The following CHRM3 variants were observed in gnomAD, a reference collection of about 807,000 sequenced individuals.
CHRM3 encodes muscarinic acetylcholine receptor M3.
In CHRM3, 11 loss-of-function variants were observed where a neutral mutation model predicts 41.8. The observed-to-expected ratio is 0.26, with a 90% CI of 0.17 to 0.44. The LOEUF is 0.44. CHRM3 is among the 20% of genes least tolerant of loss of function. CHRM3 has a pLI of 1.00. For missense variants in CHRM3, 571 were observed against 745.4 expected, an observed-to-expected ratio of 0.77 and a Z score of 2.72; for synonymous variants, 297 against 301.4, an observed-to-expected ratio of 0.99 and a Z score of 0.15.
In CHRM3 at chr1:239,894,677, C is replaced by T. The variant is rs555274693; in HGVS notation, c.-19-12756C>T. 5.5e-3 allele frequency among the ~76,000 whole-genome samples: 840 copies of T among 152,148 alleles called. 5 individuals carry two copies. Among genetic ancestry groups the T allele is most frequent in the Middle Eastern group, 0.01 (3 of 294 alleles). On this transcript the variant is annotated intron_variant, in intron 6 of 6. Coordinates refer to ENST00000676153, the MANE Select transcript of CHRM3 (RefSeq NM_001375978.1). ...CGAACTCATGCGCTCAAGTGATCAG[C>T]CCACCCTGACCTCCCAAAGTGGTGG...
At chr1:239,856,890 G>T (rs1236010036) in intron 6 of CHRM3, among the ~76,000 whole-genome samples, 1 of 152,124 alleles carries the variant, frequency 6.6e-6, no homozygotes, top group African/African-American at 2.4e-5. Context: ...GTGGGATTTT[G>T]CAAAGAAGGT....
intron 5 of CHRM3, among the ~76,000 whole-genome samples, chr1:239,731,731 T>C (rs563950975): frequency 2.9e-4 from 44 of 152,066 alleles, no homozygotes; most frequent in African/African-American, 9.6e-4. Context: ...AATTTTGGTT[T>C]AGATTGAAAT....
intron 1 of CHRM3, among the ~76,000 whole-genome samples, chr1:239,463,381 G>C (rs1214630588): frequency 1.3e-5 from 2 of 152,068 alleles, no homozygotes; most frequent in Admixed American, 6.5e-5. Context: ...ATCCCTCCTT[G>C]CTCATTCTTT....
chr1:239,466,895 C>T (rs1028786398), intron 1 of CHRM3, among the ~76,000 whole-genome samples: 5 of 152,158 alleles, frequency 3.3e-5, no homozygotes, highest in Admixed American at 6.5e-5. Context: ...AGTCAATCTT[C>T]CATAGTCATC....
At chr1:239,392,214 T>G (rs555657644) in intron 1 of CHRM3, among the ~76,000 whole-genome samples, 102 of 152,262 alleles carry the variant, frequency 6.7e-4, no homozygotes, top group African/African-American at 2.4e-3. Flanking sequence ...GCACAGCTCC[T>G]CTCCTGACAG....
chr1:239,808,604 T>C (rs1271929552), intron 5 of CHRM3, among the ~76,000 whole-genome samples: 1 of 152,192 alleles, frequency 6.6e-6, no homozygotes, highest in Non-Finnish European at 1.5e-5. Flanking sequence ...GCCATATCGA[T>C]TGGACCAATT....
intron 5 of CHRM3, among the ~76,000 whole-genome samples, chr1:239,747,036 A>G (rs1200664338): frequency 6.6e-6 from 1 of 152,166 alleles, no homozygotes; most frequent in Non-Finnish European, 1.5e-5. Context: ...AATTACCAGC[A>G]TGAGCCACCA....
At chr1:239,796,076 G>A (rs1212656024) in intron 5 of CHRM3, among the ~76,000 whole-genome samples, 1 of 152,156 alleles carries the variant, frequency 6.6e-6, no homozygotes, top group African/African-American at 2.4e-5. Flanking sequence ...AACTCCTGTT[G>A]CTATTATAGT....
chr1:239,614,192 T>C (rs1425256212), intron 3 of CHRM3, among the ~76,000 whole-genome samples: 1 of 151,946 alleles, frequency 6.6e-6, no homozygotes, highest in Non-Finnish European at 1.5e-5. Flanking sequence ...TAATAACAAA[T>C]TTTAGAAGGA....
At chr1:239,854,669 C>CT (rs1200932169) in intron 6 of CHRM3, among the ~76,000 whole-genome samples, 3 of 152,064 alleles carry the variant, frequency 2.0e-5, no homozygotes, top group Admixed American at 2.0e-4. Flanking sequence ...CATGGGCTGT[C>CT]TGTCACTATT....
At chr1:239,857,740 G>A (rs1324078204) in intron 6 of CHRM3, among the ~76,000 whole-genome samples, 1 of 152,258 alleles carries the variant, frequency 6.6e-6, no homozygotes, top group East Asian at 1.9e-4. Flanking sequence ...TGGAAGGGAG[G>A]TGGATAATCA....
At chr1:239,523,353 C>A (rs1202565245) in intron 2 of CHRM3, among the ~76,000 whole-genome samples, 1 of 151,980 alleles carries the variant, frequency 6.6e-6, no homozygotes, top group Non-Finnish European at 1.5e-5. Context: ...AATTAAGTAA[C>A]CTAAGTCTAA....
intron 6 of CHRM3, among the ~76,000 whole-genome samples, chr1:239,840,347 T>C (rs1673691579): frequency 6.6e-6 from 1 of 152,206 alleles, no homozygotes; most frequent in African/African-American, 2.4e-5. Context: ...TAAAAGCTCA[T>C]CAGTGGCCTG....
At position 239,911,003 on chromosome 1, in the gene CHRM3, C is replaced by T. The variant is rs762794205; in HGVS notation, c.*1779C>T. The T allele has an allele frequency of 6.0e-6, 1 of 167,068 alleles. No homozygotes were observed. The allele number at this position is 167,068 out of a possible 1,614,324, so 10.3% of individuals were successfully genotyped here. A position where few individuals can be genotyped will look rare whatever the true frequency, so the allele number is the denominator to read the frequency against. On this transcript the variant is annotated 3_prime_UTR_variant, in exon 7 of 7. Coordinates refer to ENST00000676153, the MANE Select transcript of CHRM3 (RefSeq NM_001375978.1). ...ATGTTGATAAATATGACTCTTCAGT[C>T]GTCAGCCATGGTGTCCTTTCAAAGT...
intron 1 of CHRM3, among the ~76,000 whole-genome samples, chr1:239,424,135 ATTC>A (rs1171860691): frequency 6.6e-6 from 1 of 151,628 alleles, no homozygotes; most frequent in Non-Finnish European, 1.5e-5. Flanking sequence ...TCCAGAGGCT[ATTC>A]TTTTAGTTGC....
chr1:239,446,875 A>C (rs1052976458), intron 1 of CHRM3, among the ~76,000 whole-genome samples: 5 of 152,208 alleles, frequency 3.3e-5, no homozygotes, highest in African/African-American at 1.2e-4. Flanking sequence ...GGATGTTAGT[A>C]ATGTTTGTTT....
At chr1:239,856,913 T>A (rs1675170508) in intron 6 of CHRM3, among the ~76,000 whole-genome samples, 1 of 152,166 alleles carries the variant, frequency 6.6e-6, no homozygotes, top group Admixed American at 6.5e-5. Context: ...GTAAAACTCA[T>A]CTCAACAGAA....
At position 239,911,151 on chromosome 1, in the gene CHRM3, G is replaced by T. The variant is rs1257068951; in HGVS notation, c.*1927G>T. On this transcript the variant is annotated 3_prime_UTR_variant, in exon 7 of 7. Transcript: ENST00000676153. ...CCTAACTCTTTCTAGGTAATAAAAA[G>T]TCAACGGTCACTTCAACGTAAATGT... The T allele has an allele frequency of 3.0e-5, 5 of 166,868 alleles. No individual in the cohort carries two copies. The highest frequency in any genetic ancestry group is 6.6e-5 in the Admixed American group (1 of 15,264). 10.3% of individuals were successfully genotyped at this position (166,868 alleles called of 1,614,324 possible).
chr1:239,649,092 A>G (rs1672010677), intron 4 of CHRM3, among the ~76,000 whole-genome samples: 1 of 152,166 alleles, frequency 6.6e-6, no homozygotes, highest in Non-Finnish European at 1.5e-5. Flanking sequence ...AAATGTTTGC[A>G]GCCATAGGTG....
Sources: allele counts gnomAD v4.1 joint callset (sites outside exome capture counted in the v4.1 genomes callset), GRCh38; gene constraint gnomAD v4.1.1; transcripts MANE v1.5; gene names NCBI Gene and HGNC (gene_info 2026-07-23, HGNC 2026-07-21).